EPHA7: variants seen among roughly 807,000 people sequenced by gnomAD.
The protein encoded by EPHA7 is EPH receptor A7.
In EPHA7, 25 loss-of-function variants were observed where a neutral mutation model predicts 112.6. The observed-to-expected ratio is 0.22, with a 90% CI of 0.16 to 0.31. The LOEUF is 0.31. Ranked by LOEUF, EPHA7 falls within the 10% of genes least tolerant of loss-of-function variation. EPHA7 has a pLI of 1.00. For missense variants in EPHA7, 962 were observed against 1,212.6 expected, an observed-to-expected ratio of 0.79 and a Z score of 3.07; for synonymous variants, 437 against 406.5, an observed-to-expected ratio of 1.07 and a Z score of -0.90.
intron 5 of EPHA7, among the ~76,000 whole-genome samples, chr6:93,315,410 C>A (rs914306807): frequency 1.3e-5 from 2 of 152,046 alleles, no homozygotes; most frequent in East Asian, 3.9e-4. Flanking sequence ...GCAGCAGTTG[C>A]GTGGTCTGTC....
At chr6:93,291,837 A>G (rs1293858205) in intron 5 of EPHA7, among the ~76,000 whole-genome samples, 1 of 151,664 alleles carries the variant, frequency 6.6e-6, no homozygotes, top group East Asian at 1.9e-4. Context: ...AACAAGAATT[A>G]TTTGTCAGTT....
At chr6:93,366,139 A>G (rs2127955111) in intron 3 of EPHA7, among the ~76,000 whole-genome samples, 1 of 152,326 alleles carries the variant, frequency 6.6e-6, no homozygotes, top group Admixed American at 6.5e-5. Flanking sequence ...ATGATAAAAA[A>G]GAAAAAAAAA....
At chr6:93,329,635 C>T (rs796653065) in intron 5 of EPHA7, among the ~76,000 whole-genome samples, 4 of 151,134 alleles carry the variant, frequency 2.6e-5, no homozygotes, top group East Asian at 3.9e-4. Context: ...ACATTGTATC[C>T]ATTATAGAGT....
chr6:93,359,684 T>C (rs1776143871), intron 3 of EPHA7, among the ~76,000 whole-genome samples: 1 of 152,082 alleles, frequency 6.6e-6, no homozygotes, highest in African/African-American at 2.4e-5. Flanking sequence ...TAACTTCTGT[T>C]CAAATGCTGA....
intron 5 of EPHA7, among the ~76,000 whole-genome samples, chr6:93,334,911 T>C (rs867874936): frequency 4.6e-5 from 7 of 152,214 alleles, no homozygotes; most frequent in Middle Eastern, 3.4e-3. Flanking sequence ...TGCATCACTT[T>C]TATTAGAATT....
At chr6:93,405,843 A>G (rs1031867115) in intron 3 of EPHA7, among the ~76,000 whole-genome samples, 2 of 138,754 alleles carry the variant, frequency 1.4e-5, no homozygotes, top group African/African-American at 5.2e-5. Flanking sequence ...ATATATATAT[A>G]TATATATAAA....
At chr6:93,305,491 CA>C (rs1214925976) in intron 5 of EPHA7, among the ~76,000 whole-genome samples, 1 of 151,874 alleles carries the variant, frequency 6.6e-6, no homozygotes, top group Non-Finnish European at 1.5e-5. Context: ...CAGGCAATTC[CA>C]ACCTAAAGAG....
At position 93,245,218 on chromosome 6, in the gene EPHA7, A is replaced by G; in HGVS notation, c.2882+80T>C. On this transcript the variant is annotated intron_variant, in intron 16 of 16. Coordinates refer to ENST00000369303, the MANE Select transcript of EPHA7 (RefSeq NM_004440.4). The stretch of plus-strand genomic sequence containing the variant: ...ATTTTGGGATTCAAATTCTTTTAAT[A>G]TAAAGAAGATAACCTAATGTATAAA... 3.1e-6 allele frequency: 4 copies of G among 1,290,496 alleles called. No individual in the cohort carries two copies. The East Asian group carries it at 9.9e-5, about 32-fold the overall frequency. The allele number at this position is 1,290,496 out of a possible 1,614,324, so 79.9% of individuals were successfully genotyped here.
intron 3 of EPHA7, among the ~76,000 whole-genome samples, chr6:93,399,720 G>A (rs1778348124): frequency 1.3e-5 from 2 of 151,896 alleles, no homozygotes; most frequent in Non-Finnish European, 2.9e-5. Context: ...ATATATGCGT[G>A]CTTTTGGATA....
intron 5 of EPHA7, among the ~76,000 whole-genome samples, chr6:93,353,716 T>C (rs545725244): frequency 1.3e-5 from 2 of 152,262 alleles, no homozygotes; most frequent in East Asian, 1.9e-4. Context: ...TACAGGAAGG[T>C]AGATATTATT....
intron 7 of EPHA7, among the ~76,000 whole-genome samples, chr6:93,268,401 G>A (rs556130484): frequency 3.4e-4 from 52 of 151,856 alleles, no homozygotes; most frequent in African/African-American, 1.2e-3. Flanking sequence ...TCCACCTTTT[G>A]AAGATCTATA....
intron 5 of EPHA7, among the ~76,000 whole-genome samples, chr6:93,322,851 T>C (rs963500417): frequency 6.6e-5 from 10 of 151,576 alleles, no homozygotes; most frequent in Non-Finnish European, 1.5e-4. Context: ...TCAGGGAGCA[T>C]ACTGTCCCCC....
At chr6:93,253,378 A>T (rs1441370074) in intron 14 of EPHA7, among the ~76,000 whole-genome samples, 1 of 152,116 alleles carries the variant, frequency 6.6e-6, no homozygotes, top group Admixed American at 6.6e-5. Context: ...TCCTCTTTTC[A>T]GACTGTGGAC....
chr6:93,409,152 T>C (rs2127993439), intron 3 of EPHA7, among the ~76,000 whole-genome samples: 1 of 152,202 alleles, frequency 6.6e-6, no homozygotes, highest in South Asian at 2.1e-4. Flanking sequence ...TTTAAAAATA[T>C]TCTACTAGAA....
intron 5 of EPHA7, among the ~76,000 whole-genome samples, chr6:93,315,592 T>A (rs553437264): frequency 6.6e-6 from 1 of 152,348 alleles, no homozygotes; most frequent in Non-Finnish European, 1.5e-5. Flanking sequence ...TATTTTTTTG[T>A]ATTTGAAAAA....
intron 5 of EPHA7, among the ~76,000 whole-genome samples, chr6:93,313,581 T>C (rs1773646810): frequency 6.6e-6 from 1 of 152,044 alleles, no homozygotes; most frequent in East Asian, 1.9e-4. Context: ...TAAATATGGA[T>C]AACTAAGCAG....
At chr6:93,256,945 T>C (rs1412663630) in intron 12 of EPHA7, among the ~76,000 whole-genome samples, 1 of 152,100 alleles carries the variant, frequency 6.6e-6, no homozygotes, top group African/African-American at 2.4e-5. Context: ...AGAATAAAAA[T>C]ATCTATGTTT....
At chr6:93,354,601 T>C (rs1349450197) in intron 5 of EPHA7, among the ~76,000 whole-genome samples, 18 of 139,502 alleles carry the variant, frequency 1.3e-4, no homozygotes, top group African/African-American at 4.5e-4. Context: ...ATATTTATTG[T>C]ACATTTAAAT....
intron 5 of EPHA7, among the ~76,000 whole-genome samples, chr6:93,287,128 CTT>C (rs1323311976): frequency 6.6e-6 from 1 of 152,154 alleles, no homozygotes; most frequent in Non-Finnish European, 1.5e-5. Context: ...TACCTTCACT[CTT>C]TTATATAAGC....
Sources: gnomAD v4.1 joint callset for allele counts (sites outside exome capture counted in the v4.1 genomes callset) on GRCh38, gnomAD v4.1.1 for gene constraint, MANE v1.5 for transcripts, NCBI Gene and HGNC (gene_info 2026-07-23, HGNC 2026-07-21) for gene names.